Variants in KIAA0586 observed in about 807,000 individuals in gnomAD.
KIAA0586 encodes the protein protein TALPID3.
Under a neutral mutation model 169.8 loss-of-function variants are expected in KIAA0586, and 144 were observed. That is an observed-to-expected ratio of 0.85 (90% CI 0.74 to 0.97). The LOEUF (loss-of-function observed/expected upper bound fraction) is 0.97. KIAA0586 is among the 50% of genes least tolerant of loss of function. The probability of loss-of-function intolerance (pLI) is 0.00; values close to 1 mark genes in which losing one functional copy is unlikely to be tolerated. For synonymous variants in KIAA0586, 625 were observed against 612.4 expected (o/e 1.02, Z -0.30); for missense variants, 1,854 against 1,823.0 (o/e 1.02, Z -0.31).
chr14:58,458,107 A>G, intron 11 of KIAA0586, 128 bp downstream of exon 11: 1 of 646,464 alleles, frequency 1.5e-6, no homozygotes, highest in Non-Finnish European at 2.6e-6. Flanking sequence ...TTGACTTTGA[A>G]GATGTGGAAC....
At position 58,472,190 on chromosome 14, in the gene KIAA0586, C is replaced by A; in HGVS notation, c.2554-9C>A. On this transcript the variant is annotated splice_polypyrimidine_tract_variant and intron_variant, in intron 17 of 30. Transcript: ENST00000652326. ...GCACAACAAAAACTTTCTGAAAATGCTTTCTTAGACTCCAGAAATTATGAA... is the reference window on the plus strand; with the variant it reads ...GCACAACAAAAACTTTCTGAAAATGATTTCTTAGACTCCAGAAATTATGAA... 1 of 1,510,486 alleles carries A rather than the reference C, an allele frequency of 6.6e-7. No individual in the cohort carries two copies. Among genetic ancestry groups the A allele is most frequent in the Non-Finnish European group, 8.9e-7 (1 of 1,124,508 alleles). The allele number at this position is 1,510,486 out of a possible 1,614,324, so 93.6% of individuals were successfully genotyped here. A position where few individuals can be genotyped will look rare whatever the true frequency, so the allele number is the denominator to read the frequency against.
intron 29 of KIAA0586, among the ~76,000 whole-genome samples, chr14:58,538,007 G>A (rs898782664): frequency 2.0e-5 from 3 of 152,100 alleles, no homozygotes; most frequent in Non-Finnish European, 4.4e-5. Context: ...GTTGAGCTGG[G>A]CATGGTGACA....
chr14:58,527,453 G>A (rs2045666388), intron 29 of KIAA0586, among the ~76,000 whole-genome samples: 1 of 152,192 alleles, frequency 6.6e-6, no homozygotes, highest in Admixed American at 6.5e-5. Context: ...GGCAGCCAGA[G>A]AGAAAGGTTG....
intron 29 of KIAA0586, among the ~76,000 whole-genome samples, chr14:58,529,066 A>G (rs2045786261): frequency 6.6e-6 from 1 of 152,212 alleles, no homozygotes; most frequent in African/African-American, 2.4e-5. Flanking sequence ...ATCAGAGAAT[A>G]CTATAAACAC....
At chr14:58,442,466 A>T (rs2038479410) in intron 4 of KIAA0586, among the ~76,000 whole-genome samples, 1 of 152,134 alleles carries the variant, frequency 6.6e-6, no homozygotes, top group Non-Finnish European at 1.5e-5. Flanking sequence ...TGCCTTTTTC[A>T]TATGTTTAAT....
chr14:58,558,057 G>A, the KIAA0586 span, among the ~76,000 whole-genome samples: 122 of 151,548 alleles, frequency 8.1e-4, no homozygotes, highest in African/African-American at 2.6e-3. Flanking sequence ...CTACAGGTGC[G>A]TGCCACGATG....
chr14:58,543,454 T>C (rs1371874709), intron 30 of KIAA0586, among the ~76,000 whole-genome samples: 3 of 152,202 alleles, frequency 2.0e-5, no homozygotes, highest in African/African-American at 7.2e-5. Context: ...TTGATATCTG[T>C]TGGATGGATG....
chr14:58,491,867 A>G (rs184498781), intron 25 of KIAA0586, among the ~76,000 whole-genome samples: 3 of 152,326 alleles, frequency 2.0e-5, no homozygotes, highest in Admixed American at 2.0e-4. Flanking sequence ...ATAGTAGCTC[A>G]ACTGTGTGGG....
chr14:58,501,462 G>A (rs2043566827), intron 27 of KIAA0586, among the ~76,000 whole-genome samples: 1 of 152,150 alleles, frequency 6.6e-6, no homozygotes, highest in African/African-American at 2.4e-5. Flanking sequence ...AGAGCTACTA[G>A]GTATCTGAGA....
chr14:58,461,575 C>G (rs1010493443), intron 14 of KIAA0586, among the ~76,000 whole-genome samples: 24 of 152,194 alleles, frequency 1.6e-4, no homozygotes, highest in African/African-American at 5.3e-4. Context: ...GCTGGGATGA[C>G]AGGTGCACAC....
At chr14:58,432,916 A>G (rs897412198) in intron 4 of KIAA0586, among the ~76,000 whole-genome samples, 4 of 151,804 alleles carry the variant, frequency 2.6e-5, no homozygotes, top group African/African-American at 7.3e-5. Flanking sequence ...GGGTTTCACT[A>G]TGTTGGCCAG....
In KIAA0586 at chr14:58,427,826, C is replaced by G; in HGVS notation, c.-439C>G. ...TGCATCTGGAGGGGTGTGTAAGACT[C>G]TGTGGCTGAAGAAAGCTATTACGCT... On this transcript the variant is annotated 5_prime_UTR_variant, in exon 1 of 31. Coordinates refer to ENST00000652326, the MANE Select transcript of KIAA0586 (RefSeq NM_001329943.3). 2 of 1,446,200 alleles carry G rather than the reference C, an allele frequency of 1.4e-6. No homozygotes were observed. Among genetic ancestry groups the G allele is most frequent in the Non-Finnish European group, 1.8e-6 (2 of 1,102,642 alleles). 89.6% of individuals were successfully genotyped at this position (1,446,200 alleles called of 1,614,324 possible).
At chr14:58,436,633 GAAAA>G (rs1010741012) in intron 4 of KIAA0586, among the ~76,000 whole-genome samples, 1 of 150,834 alleles carries the variant, frequency 6.6e-6, no homozygotes, top group African/African-American at 2.4e-5. Flanking sequence ...ATACTGTTGA[GAAAA>G]AAAAAGTATG....
intron 21 of KIAA0586, among the ~76,000 whole-genome samples, chr14:58,483,399 A>G (rs896247538): frequency 2.0e-5 from 3 of 152,204 alleles, no homozygotes; most frequent in Non-Finnish European, 4.4e-5. Context: ...AGTTACAGAC[A>G]TCTTTACCTC....
chr14:58,543,266 A>G (rs73295839), intron 30 of KIAA0586, among the ~76,000 whole-genome samples: 17,228 of 151,816 alleles, frequency 0.11, 1,305 homozygotes, highest in African/African-American at 0.21. Context: ...CTTACCTTTT[A>G]CCTATTTTTC....
chr14:58,517,943 T>A (rs562589646), intron 29 of KIAA0586, among the ~76,000 whole-genome samples: 117 of 152,298 alleles, frequency 7.7e-4, no homozygotes, highest in Non-Finnish European at 1.3e-3. Flanking sequence ...AAACTATAGA[T>A]ATGGAGAACA....
chr14:58,487,669 TAAC>T (rs1334603155), intron 22 of KIAA0586, among the ~76,000 whole-genome samples: 2 of 152,118 alleles, frequency 1.3e-5, no homozygotes, highest in Non-Finnish European at 2.9e-5. Flanking sequence ...ATGGTGGTAT[TAAC>T]AATGATGTCT....
intron 29 of KIAA0586, among the ~76,000 whole-genome samples, chr14:58,539,052 T>A (rs1385758071): frequency 6.6e-6 from 1 of 152,188 alleles, no homozygotes; most frequent in East Asian, 1.9e-4. Flanking sequence ...AGTGCTTGGA[T>A]TACAGGCATG....
At chr14:58,527,463 G>A (rs1455990640) in intron 29 of KIAA0586, among the ~76,000 whole-genome samples, 1 of 152,140 alleles carries the variant, frequency 6.6e-6, no homozygotes, top group Non-Finnish European at 1.5e-5. Context: ...GAGAAAGGTT[G>A]GGTTACCCAC....
Sources: allele counts gnomAD v4.1 joint callset (sites outside exome capture counted in the v4.1 genomes callset), GRCh38; gene constraint gnomAD v4.1.1; transcripts MANE v1.5; gene names NCBI Gene and HGNC (gene_info 2026-07-23, HGNC 2026-07-21).